Variants in CCDC85A observed in about 807,000 individuals in gnomAD.
The protein encoded by CCDC85A is coiled-coil domain-containing protein 85A.
CCDC85A carries 38 observed loss-of-function variants against 50.2 expected under a neutral mutation model. That is an observed-to-expected ratio of 0.76 (90% CI 0.58 to 0.99). CCDC85A has a LOEUF of 0.99. CCDC85A is among the 50% of genes least tolerant of loss of function. The pLI is 0.00. For synonymous variants in CCDC85A, 366 were observed against 301.4 expected, an observed-to-expected ratio of 1.21 and a Z score of -2.22; for missense variants, 820 against 742.0, an observed-to-expected ratio of 1.11 and a Z score of -1.22.
At chr2:56,372,548 A>G (rs1003699966) in intron 4 of CCDC85A, 70 bp downstream of exon 4, 3 of 1,397,788 alleles carry the variant, frequency 2.1e-6, no homozygotes, top group Non-Finnish European at 2.8e-6. Context: ...GCTAGAGAAA[A>G]AGTTATACTG....
At chr2:56,276,689 C>G (rs1159913763) in intron 2 of CCDC85A, among the ~76,000 whole-genome samples, 1 of 152,180 alleles carries the variant, frequency 6.6e-6, no homozygotes, top group African/African-American at 2.4e-5. Flanking sequence ...ATTGCCCAGT[C>G]TCTGATATGT....
chr2:56,217,695 T>C (rs1001758507), intron 2 of CCDC85A, among the ~76,000 whole-genome samples: 1 of 151,870 alleles, frequency 6.6e-6, no homozygotes, highest in African/African-American at 2.4e-5. Flanking sequence ...TTTTTCTATA[T>C]GCAATAAAAG....
intron 1 of CCDC85A, among the ~76,000 whole-genome samples, chr2:56,185,461 A>T (rs976416569): frequency 2.0e-5 from 3 of 152,074 alleles, no homozygotes; most frequent in Non-Finnish European, 4.4e-5. Context: ...CTCTGCCTTC[A>T]CGTCTTCTCC....
intron 2 of CCDC85A, among the ~76,000 whole-genome samples, chr2:56,271,202 G>T (rs1273292181): frequency 6.6e-6 from 1 of 152,194 alleles, no homozygotes; most frequent in African/African-American, 2.4e-5. Context: ...ATGTGGGTCA[G>T]TTATGTAGGG....
chr2:56,337,653 C>G (rs1408090250), intron 2 of CCDC85A, among the ~76,000 whole-genome samples: 1 of 152,186 alleles, frequency 6.6e-6, no homozygotes, highest in Non-Finnish European at 1.5e-5. Context: ...TTCGTAAGAA[C>G]TACTGCCAAT....
rs2103828057 is a variant in CCDC85A at position 56,193,377 on chromosome 2, C to A, written c.1177C>A (p.Leu393Ile). The A allele has an allele frequency of 6.2e-7, 1 of 1,611,288 alleles. No individual in the cohort carries two copies. Among genetic ancestry groups the A allele is most frequent in the African/African-American group, 1.3e-5 (1 of 75,012 alleles). ...GSGGGSREGT[L>I]RRQAQEDGSP... ...CGGCGGAGGCAGCAGGGAGGGCACCCTCAGACGGCAGGCACAGGAGGACGG... is the reference window on the plus strand; with the variant it reads ...CGGCGGAGGCAGCAGGGAGGGCACCATCAGACGGCAGGCACAGGAGGACGG... The change falls in exon 2 of 6, where the codon CTC (leucine) becomes ATC (isoleucine). Residue 393 changes from leucine to isoleucine, a missense_variant. Physicochemically the swap from Leu to Ile is conservative, Grantham distance 5. Coordinates refer to ENST00000407595, the MANE Select transcript of CCDC85A (RefSeq NM_001080433.2).
intron 3 of CCDC85A, among the ~76,000 whole-genome samples, chr2:56,349,218 C>G (rs1674779641): frequency 6.6e-6 from 1 of 151,992 alleles, no homozygotes; most frequent in African/African-American, 2.4e-5. Context: ...TGGAGTCATA[C>G]TTGGGAAAAA....
chr2:56,363,122 A>G (rs1380067699), intron 3 of CCDC85A, among the ~76,000 whole-genome samples: 1 of 152,180 alleles, frequency 6.6e-6, no homozygotes, highest in African/African-American at 2.4e-5. Context: ...TTTTATAAGA[A>G]GGTAGGGCAC....
At chr2:56,247,093 G>C (rs560743674) in intron 2 of CCDC85A, among the ~76,000 whole-genome samples, 33 of 152,292 alleles carry the variant, frequency 2.2e-4, no homozygotes, top group African/African-American at 7.7e-4. Context: ...CCCTCAAAAT[G>C]TGGTTATGCT....
intron 3 of CCDC85A, among the ~76,000 whole-genome samples, chr2:56,366,861 C>A (rs189782898): frequency 6.6e-6 from 1 of 152,086 alleles, no homozygotes; most frequent in East Asian, 1.9e-4. Context: ...GTCCAGATTT[C>A]TCCTTCTTAT....
intron 2 of CCDC85A, among the ~76,000 whole-genome samples, chr2:56,297,347 C>T (rs759008164): frequency 1.1e-4 from 16 of 151,200 alleles, no homozygotes; most frequent in Admixed American, 1.3e-4. Flanking sequence ...GCTTTGAAGA[C>T]CACATCTTTC....
intron 3 of CCDC85A, among the ~76,000 whole-genome samples, chr2:56,346,523 G>A (rs921207467): frequency 4.6e-5 from 7 of 152,218 alleles, no homozygotes; most frequent in African/African-American, 1.7e-4. Context: ...GTCATCCCCA[G>A]TGAATGTAGA....
Position 56,193,066 on chromosome 2 carries a change from G to T in CCDC85A, c.866G>T (p.Ser289Ile), listed in dbSNP as rs200937623. The T allele has an allele frequency of 6.2e-7, 1 of 1,613,956 alleles. No homozygotes were observed. Among genetic ancestry groups the T allele is most frequent in the South Asian group, 1.1e-5 (1 of 91,074 alleles). ...CACCACAAACCCTTGTGCAAGGGCA[G>T]CCCCGAACAGCAAAGGCACCCGCAT... ...PEHHKPLCKG[S>I]PEQQRHPHPG... The change falls in exon 2 of 6, where the codon AGC becomes ATC. Residue 289 changes from serine to isoleucine, a missense_variant. By Grantham distance (142) the Ser-to-Ile change is moderately radical. Transcript: ENST00000407595.
At chr2:56,277,424 G>A (rs1375891166) in intron 2 of CCDC85A, among the ~76,000 whole-genome samples, 3 of 134,848 alleles carry the variant, frequency 2.2e-5, no homozygotes, top group African/African-American at 9.8e-5. Flanking sequence ...ATCCTGCATG[G>A]ACACATTAAA....
chr2:56,377,014 A>G (rs1051162673), intron 5 of CCDC85A, among the ~76,000 whole-genome samples: 2 of 152,256 alleles, frequency 1.3e-5, no homozygotes, highest in South Asian at 4.1e-4. Flanking sequence ...GAGATGATGA[A>G]GTTTTAGCAG....
chr2:56,247,726 T>C (rs17190163), intron 2 of CCDC85A, among the ~76,000 whole-genome samples: 3,022 of 152,296 alleles, frequency 0.02, 51 homozygotes, highest in South Asian at 0.046. Flanking sequence ...TCATAAGGGA[T>C]ATGAGGGACA....
intron 5 of CCDC85A, among the ~76,000 whole-genome samples, chr2:56,381,931 G>A (rs1450447548): frequency 6.6e-6 from 1 of 151,978 alleles, no homozygotes; most frequent in Admixed American, 6.6e-5. Context: ...TAGTGTATAA[G>A]ATACTTTCAG....
chr2:56,321,030 A>T (rs1403746517), intron 2 of CCDC85A, among the ~76,000 whole-genome samples: 1 of 152,162 alleles, frequency 6.6e-6, no homozygotes, highest in Admixed American at 6.6e-5. Flanking sequence ...ACAGAACCAA[A>T]GACAAAAACC....
chr2:56,270,300 T>C (rs1390580937), intron 2 of CCDC85A, among the ~76,000 whole-genome samples: 2 of 152,174 alleles, frequency 1.3e-5, no homozygotes, highest in Non-Finnish European at 2.9e-5. Flanking sequence ...CAAAGAAGGA[T>C]ACCTAAAAAG....
Sources: gnomAD v4.1 joint callset for allele counts (sites outside exome capture counted in the v4.1 genomes callset) on GRCh38, gnomAD v4.1.1 for gene constraint, MANE v1.5 for transcripts, NCBI Gene and HGNC (gene_info 2026-07-23, HGNC 2026-07-21) for gene names.